SETD3: variants seen among roughly 807,000 people sequenced by gnomAD.
The protein encoded by SETD3 is actin-histidine N-methyltransferase.
In SETD3, 19 loss-of-function variants were observed where a neutral mutation model predicts 63.0. That is an observed-to-expected ratio of 0.30 (90% CI 0.21 to 0.44). The LOEUF (loss-of-function observed/expected upper bound fraction) is 0.44. Among genes scored for constraint, SETD3 ranks in the 20% least tolerant of loss-of-function variants. The pLI, the probability that SETD3 is intolerant of heterozygous loss-of-function variation, is 1.00. For missense variants in SETD3, 587 were observed against 728.5 expected (o/e 0.81, Z 2.24); for synonymous variants, 286 against 264.1 (o/e 1.08, Z -0.80).
At chr14:99,445,835 C>T (rs1894099955) in intron 6 of SETD3, among the ~76,000 whole-genome samples, 1 of 152,146 alleles carries the variant, frequency 6.6e-6, no homozygotes, top group Non-Finnish European at 1.5e-5. Flanking sequence ...AGAGAATCTA[C>T]TCAGGGAAGA....
intron 6 of SETD3, among the ~76,000 whole-genome samples, chr14:99,423,959 CTTT>C (rs756328600): frequency 7.0e-6 from 1 of 143,530 alleles, no homozygotes; most frequent in Admixed American, 6.9e-5. Context: ...ATTTCACTCT[CTTT>C]TTTTTTTTTC....
intron 6 of SETD3, among the ~76,000 whole-genome samples, chr14:99,419,809 G>A (rs972205498): frequency 6.6e-6 from 1 of 151,638 alleles, no homozygotes; most frequent in Admixed American, 6.6e-5. Flanking sequence ...CTTTTTATTA[G>A]CTACCATTTG....
At chr14:99,460,894 CCTT>C (rs997230066) in intron 4 of SETD3, among the ~76,000 whole-genome samples, 139 of 152,322 alleles carry the variant, frequency 9.1e-4, no homozygotes, top group Middle Eastern at 3.4e-3. Context: ...GAGTCCACCT[CCTT>C]ATCTTTAGGT....
At position 99,400,215 on chromosome 14, in the gene SETD3, T is replaced by C; in HGVS notation, c.1222A>G (p.Ile408Val). The change falls in exon 12 of 13, where the codon ATC becomes GTC. Residue 408 changes from isoleucine (I) to valine (V), a missense_variant. Physicochemically the swap from Ile to Val is conservative, Grantham distance 29 (BLOSUM62 3). Coordinates refer to ENST00000331768, the MANE Select transcript of SETD3 (RefSeq NM_032233.3). ...AATTCCGAGTTCCCCAAGGTGAAGA[T>C]TCTATCAATAGCGCTGTCTCCCAGC... ...HLLGDSAIDR[I>V]FTLGNSEFPV... 6.2e-7 allele frequency: 1 copy of C among 1,614,172 alleles called. No homozygotes were observed. The highest frequency in any genetic ancestry group is 8.5e-7 in the Non-Finnish European group (1 of 1,180,014).
At chr14:99,418,048 A>G (rs1566691514) in intron 6 of SETD3, among the ~76,000 whole-genome samples, 1 of 152,358 alleles carries the variant, frequency 6.6e-6, no homozygotes, top group African/African-American at 2.4e-5. Context: ...ATCACCTTCA[A>G]TGAGGCATTT....
intron 5 of SETD3, among the ~76,000 whole-genome samples, chr14:99,458,903 A>G (rs1894916284): frequency 6.6e-6 from 1 of 152,138 alleles, no homozygotes; most frequent in Non-Finnish European, 1.5e-5. Flanking sequence ...TAGGTGACAA[A>G]GCGAGACCCT....
At chr14:99,467,772 G>A (rs925906125) in intron 1 of SETD3, among the ~76,000 whole-genome samples, 4 of 152,132 alleles carry the variant, frequency 2.6e-5, no homozygotes, top group African/African-American at 9.7e-5. Flanking sequence ...CAGTAAGTGA[G>A]CCTGGGACAG....
chr14:99,406,250 C>T (rs937493449), intron 9 of SETD3, among the ~76,000 whole-genome samples: 4 of 152,072 alleles, frequency 2.6e-5, no homozygotes, highest in East Asian at 3.8e-4. Flanking sequence ...CAAATATTTA[C>T]AAATATTAGG....
chr14:99,410,908 T>A (rs1302533544), intron 8 of SETD3, among the ~76,000 whole-genome samples: 1 of 152,174 alleles, frequency 6.6e-6, no homozygotes, highest in Admixed American at 6.5e-5. Flanking sequence ...ATAGTCAGGG[T>A]AGACTGACAA....
Position 99,404,003 on chromosome 14 carries a change from T to C in SETD3, c.1177+222A>G, listed in dbSNP as rs140072263. Among the ~76,000 whole-genome samples the C allele has an allele frequency of 2.0e-3, 311 of 152,356 alleles. 1 individual carries two copies. Among genetic ancestry groups the C allele is most frequent in the African/African-American group, 7.3e-3 (302 of 41,576 alleles). ...TTTCTTCAAATGCAGTTGAGAATTA[T>C]TTGCGTATTACAAATTAATACTGAC... On this transcript the variant is annotated intron_variant, in intron 11 of 12. Coordinates refer to ENST00000331768, the MANE Select transcript of SETD3 (RefSeq NM_032233.3).
chr14:99,449,325 T>C (rs1156975068), intron 6 of SETD3, among the ~76,000 whole-genome samples: 1 of 152,174 alleles, frequency 6.6e-6, no homozygotes, highest in Non-Finnish European at 1.5e-5. Context: ...AACAGGACAT[T>C]TGCATAGTCT....
At chr14:99,467,392 A>C (rs1024604858) in intron 1 of SETD3, among the ~76,000 whole-genome samples, 2 of 152,242 alleles carry the variant, frequency 1.3e-5, no homozygotes, top group African/African-American at 2.4e-5. Context: ...TCTTCTTAGA[A>C]GAGAAAAAAA....
chr14:99,441,021 G>A (rs1378011041), intron 6 of SETD3, among the ~76,000 whole-genome samples: 8 of 152,182 alleles, frequency 5.3e-5, no homozygotes, highest in African/African-American at 9.7e-5. Flanking sequence ...GTGACAGTAC[G>A]CTGTCACACC....
intron 2 of SETD3, among the ~76,000 whole-genome samples, chr14:99,464,632 A>AGCTGCATTT (rs1266751511): frequency 6.6e-6 from 1 of 152,238 alleles, no homozygotes; most frequent in Non-Finnish European, 1.5e-5. Context: ...TCAAAGGGAA[A>AGCTGCATTT]GCTGCATTTT....
chr14:99,458,615 A>G (rs915361477), intron 5 of SETD3, 80 bp from the exon 6 acceptor site: 1 of 1,512,992 alleles, frequency 6.6e-7, no homozygotes, highest in Non-Finnish European at 8.8e-7. Context: ...TACAAATTAC[A>G]GAAAAACTAA....
intron 6 of SETD3, among the ~76,000 whole-genome samples, chr14:99,425,724 T>G (rs1384352567): frequency 6.6e-6 from 1 of 152,002 alleles, no homozygotes; most frequent in Non-Finnish European, 1.5e-5. Context: ...CAATGTGGAG[T>G]TTAGATTTAG....
At chr14:99,473,675 G>A (rs2139816300) in intron 1 of SETD3, among the ~76,000 whole-genome samples, 1 of 152,212 alleles carries the variant, frequency 6.6e-6, no homozygotes, top group East Asian at 1.9e-4. Flanking sequence ...GAGAGTGTGA[G>A]GGCCTAATCT....
chr14:99,470,509 C>A (rs1895642813), intron 1 of SETD3, among the ~76,000 whole-genome samples: 1 of 152,194 alleles, frequency 6.6e-6, no homozygotes, highest in Non-Finnish European at 1.5e-5. Flanking sequence ...CCCTAGGGCA[C>A]AGGATCCTAG....
intron 1 of SETD3, among the ~76,000 whole-genome samples, chr14:99,472,664 T>C (rs1895766023): frequency 6.6e-6 from 1 of 152,214 alleles, no homozygotes. Flanking sequence ...AAATGCATAC[T>C]GAATTAATTA....
Sources: gnomAD v4.1 joint callset for allele counts (sites outside exome capture counted in the v4.1 genomes callset) on GRCh38, gnomAD v4.1.1 for gene constraint, MANE v1.5 for transcripts, NCBI Gene and HGNC (gene_info 2026-07-23, HGNC 2026-07-21) for gene names.